PTPRG: variants seen among roughly 807,000 people sequenced by gnomAD.
PTPRG encodes receptor-type tyrosine-protein phosphatase gamma.
Under a neutral mutation model 165.3 loss-of-function variants are expected in PTPRG, and 102 were observed. The observed-to-expected ratio is 0.62, with a 90% CI of 0.53 to 0.73. PTPRG has a LOEUF of 0.73. Among genes scored for constraint, PTPRG ranks in the 30% least tolerant of loss-of-function variants. The pLI is 0.00. For missense variants in PTPRG, 1,866 were observed against 1,861.4 expected (o/e 1.00, Z -0.05); for synonymous variants, 675 against 669.5 (o/e 1.01, Z -0.13).
At chr3:61,764,246 C>G (rs529861652) in intron 2 of PTPRG, among the ~76,000 whole-genome samples, 1 of 152,186 alleles carries the variant, frequency 6.6e-6, no homozygotes, top group Non-Finnish European at 1.5e-5. Flanking sequence ...CTTGTTTTTA[C>G]CAAGGTTCTG....
intron 2 of PTPRG, among the ~76,000 whole-genome samples, chr3:61,903,520 C>G (rs867840736): frequency 7.2e-5 from 11 of 152,080 alleles, no homozygotes; most frequent in South Asian, 6.2e-4. Context: ...ATTACAGGTG[C>G]CTACCACTAA....
intron 2 of PTPRG, among the ~76,000 whole-genome samples, chr3:61,915,207 C>CA (rs2038905098): frequency 6.6e-6 from 1 of 152,130 alleles, no homozygotes; most frequent in Admixed American, 6.5e-5. Flanking sequence ...CCAGCCTGGG[C>CA]AACAGAGTGA....
At chr3:61,689,459 GTC>G (rs1559558347) in intron 1 of PTPRG, among the ~76,000 whole-genome samples, 1 of 152,204 alleles carries the variant, frequency 6.6e-6, no homozygotes, top group East Asian at 1.9e-4. Flanking sequence ...AGGGAACAGA[GTC>G]TTGAGCAAGC....
At chr3:61,652,239 G>A (rs1465242783) in intron 1 of PTPRG, among the ~76,000 whole-genome samples, 1 of 151,934 alleles carries the variant, frequency 6.6e-6, no homozygotes, top group Admixed American at 6.6e-5. Flanking sequence ...CCTGGGAGGC[G>A]GAGGTTGCAC....
chr3:62,246,321 A>C (rs1207920791), intron 15 of PTPRG, among the ~76,000 whole-genome samples: 1 of 152,190 alleles, frequency 6.6e-6, no homozygotes, highest in Non-Finnish European at 1.5e-5. Flanking sequence ...AGGTCTTCAT[A>C]GCTAACATAG....
At chr3:62,056,333 C>G (rs1700633284) in intron 4 of PTPRG, among the ~76,000 whole-genome samples, 1 of 152,214 alleles carries the variant, frequency 6.6e-6, no homozygotes, top group Admixed American at 6.5e-5. Flanking sequence ...CTTGTCCAAC[C>G]TGTGACCCAC....
chr3:61,620,681 T>C (rs905006010), intron 1 of PTPRG, among the ~76,000 whole-genome samples: 2 of 152,114 alleles, frequency 1.3e-5, no homozygotes, highest in Non-Finnish European at 2.9e-5. Context: ...CAGGCTGGAG[T>C]GCAATAGTGC....
chr3:61,588,167 GTTA>G (rs1327712551), intron 1 of PTPRG, among the ~76,000 whole-genome samples: 5 of 152,050 alleles, frequency 3.3e-5, no homozygotes, highest in Non-Finnish European at 2.9e-5. Flanking sequence ...TTAGATTCAG[GTTA>G]TTATTTGCTT....
chr3:61,803,001 C>T (rs1042649496), intron 2 of PTPRG, among the ~76,000 whole-genome samples: 2 of 152,202 alleles, frequency 1.3e-5, no homozygotes, highest in African/African-American at 4.8e-5. Flanking sequence ...CTAGGGCACA[C>T]AGGCCAAATT....
chr3:62,118,483 G>A (rs1702944402), intron 5 of PTPRG: 1 of 152,180 alleles, frequency 6.6e-6, no homozygotes, highest in Admixed American at 6.5e-5. Flanking sequence ...TTCTACACTT[G>A]ATCTTAGCCA....
chr3:62,017,706 G>A (rs554220890), intron 4 of PTPRG, among the ~76,000 whole-genome samples: 3 of 151,450 alleles, frequency 2.0e-5, no homozygotes, highest in Admixed American at 2.0e-4. Context: ...TTACAGGCGT[G>A]AGCCACCGCG....
chr3:62,028,892 A>G (rs1340836501), intron 4 of PTPRG, among the ~76,000 whole-genome samples: 2 of 151,658 alleles, frequency 1.3e-5, no homozygotes, highest in African/African-American at 4.8e-5. Flanking sequence ...TGCTTTTTTG[A>G]GTTTGTAGAT....
chr3:62,090,811 G>T (rs1029417357), intron 5 of PTPRG, among the ~76,000 whole-genome samples: 11 of 152,160 alleles, frequency 7.2e-5, no homozygotes, highest in African/African-American at 2.7e-4. Context: ...CAGATGCTAA[G>T]AGTCCCTTTG....
At chr3:62,151,612 C>T (rs1704339993) in intron 6 of PTPRG, among the ~76,000 whole-genome samples, 1 of 150,460 alleles carries the variant, frequency 6.6e-6, no homozygotes. Context: ...CTTTTCAATT[C>T]TTTTATCTAG....
At chr3:62,247,275 A>G (rs899690640) in intron 15 of PTPRG, among the ~76,000 whole-genome samples, 5 of 152,084 alleles carry the variant, frequency 3.3e-5, no homozygotes, top group Non-Finnish European at 7.4e-5. Context: ...CTGTGACTTC[A>G]AAGCACAGAT....
intron 8 of PTPRG, among the ~76,000 whole-genome samples, chr3:62,177,158 C>T (rs1236312983): frequency 6.6e-6 from 1 of 151,880 alleles, no homozygotes; most frequent in African/African-American, 2.4e-5. Flanking sequence ...GTAGCACACA[C>T]CTGTAGTCCC....
At chr3:61,821,086 G>A (rs1014824913) in intron 2 of PTPRG, among the ~76,000 whole-genome samples, 1 of 152,002 alleles carries the variant, frequency 6.6e-6, no homozygotes, top group African/African-American at 2.4e-5. Flanking sequence ...TCAGCTTTAT[G>A]AGTTTAACTT....
intron 3 of PTPRG, among the ~76,000 whole-genome samples, chr3:61,999,096 G>C (rs1384912921): frequency 6.6e-6 from 1 of 152,108 alleles, no homozygotes; most frequent in Admixed American, 6.5e-5. Flanking sequence ...ACCTAGGCTG[G>C]AGTGCAGTGG....
At chr3:62,156,501 T>C (rs928973300) in intron 6 of PTPRG, among the ~76,000 whole-genome samples, 23 of 152,236 alleles carry the variant, frequency 1.5e-4, no homozygotes, top group Admixed American at 3.9e-4. Context: ...TGTGCCTTGG[T>C]TGGGCTTCAC....
Sources: allele counts gnomAD v4.1 joint callset (sites outside exome capture counted in the v4.1 genomes callset), GRCh38; gene constraint gnomAD v4.1.1; transcripts MANE v1.5; gene names NCBI Gene and HGNC (gene_info 2026-07-23, HGNC 2026-07-21).